The following GSG1L variants were observed in gnomAD, a reference collection of about 807,000 sequenced individuals.
GSG1L encodes GSG1 like.
In GSG1L, 24 loss-of-function variants were observed where a neutral mutation model predicts 42.1. That is an observed-to-expected ratio of 0.57 (90% confidence interval 0.41 to 0.80). The LOEUF (loss-of-function observed/expected upper bound fraction) is 0.80. GSG1L is among the 30% of genes least tolerant of loss of function. The pLI is 0.00. For synonymous variants in GSG1L, 215 were observed against 203.5 expected (o/e 1.06, Z -0.48); for missense variants, 445 against 472.2 (o/e 0.94, Z 0.53).
chr16:27,955,765 CA>C (rs1343952781), intron 2 of GSG1L, among the ~76,000 whole-genome samples: 1 of 151,830 alleles, frequency 6.6e-6, no homozygotes, highest in Non-Finnish European at 1.5e-5. Flanking sequence ...GCAGTGGAGC[CA>C]ACATGAGAGA....
intron 3 of GSG1L, among the ~76,000 whole-genome samples, chr16:27,881,590 G>A (rs1325556926): frequency 1.3e-5 from 2 of 152,128 alleles, no homozygotes; most frequent in Admixed American, 6.6e-5. Context: ...CAGCTGTGGT[G>A]AGATTTCATG....
intron 2 of GSG1L, among the ~76,000 whole-genome samples, chr16:27,931,019 T>C (rs2084651824): frequency 6.6e-6 from 1 of 152,148 alleles, no homozygotes; most frequent in Non-Finnish European, 1.5e-5. Context: ...CCCAAACTGC[T>C]GGGATTATAG....
intron 5 of GSG1L, among the ~76,000 whole-genome samples, chr16:27,810,890 G>A (rs2083023425): frequency 1.3e-5 from 2 of 152,116 alleles, no homozygotes; most frequent in Admixed American, 6.6e-5. Context: ...GTCTCGCCAT[G>A]TTGCCCAGGC....
intron 4 of GSG1L, among the ~76,000 whole-genome samples, chr16:27,835,640 T>C (rs930945041): frequency 2.6e-5 from 4 of 152,100 alleles, no homozygotes; most frequent in Non-Finnish European, 4.4e-5. Flanking sequence ...TCCATTTTGA[T>C]TTATCTATAG....
rs71140916 is a variant in GSG1L, at chr16:27,874,441, CTTTTTTTTTTTTTTT to C, written c.550+10030_550+10044del. Among the ~76,000 whole-genome samples the C allele has an allele frequency of 1.0e-3, 99 of 94,476 alleles. 2 individuals carry two copies. The highest frequency in any genetic ancestry group is 3.0e-3 in the African/African-American group (82 of 26,990). 62.0% of individuals were successfully genotyped at this position (94,476 alleles called of 152,430 possible). ...TCTGGACACTGAAGCACAGGAGAGCCTTTTTTTTTTTTTTTTTTTTTTTTTTTTTGGACAGGGACT... is the reference window on the plus strand; with the variant it reads ...TCTGGACACTGAAGCACAGGAGAGCCTTTTTTTTTTTTTTGGACAGGGACT... On this transcript the variant is annotated intron_variant, in intron 3 of 6. Coordinates refer to ENST00000447459, the MANE Select transcript of GSG1L (RefSeq NM_001109763.2).
At chr16:27,971,853 G>A (rs1041913370) in intron 1 of GSG1L, among the ~76,000 whole-genome samples, 1 of 152,108 alleles carries the variant, frequency 6.6e-6, no homozygotes, top group Non-Finnish European at 1.5e-5. Context: ...GTTTTATCAT[G>A]AAAGGATATT....
intron 5 of GSG1L, among the ~76,000 whole-genome samples, chr16:27,820,226 G>A (rs536356631): frequency 1.2e-4 from 19 of 152,310 alleles, no homozygotes; most frequent in African/African-American, 3.9e-4. Flanking sequence ...CGGGTGGGGC[G>A]GAGCGGGTTC....
chr16:28,053,668 G>GCTCA (rs1452844469), intron 1 of GSG1L, among the ~76,000 whole-genome samples: 3 of 152,264 alleles, frequency 2.0e-5, no homozygotes, highest in Admixed American at 6.5e-5. Context: ...CCCCTCGCTC[G>GCTCA]CCTCTCTCCT....
chr16:27,818,753 A>T (rs186820836), intron 5 of GSG1L, among the ~76,000 whole-genome samples: 94 of 152,282 alleles, frequency 6.2e-4, no homozygotes, highest in African/African-American at 2.2e-3. Context: ...AAAAAGGGTC[A>T]TTGCAAGTTA....
chr16:27,846,050 G>A lies in GSG1L; in HGVS notation c.551-989C>T, dbSNP rs772961. Among the ~76,000 whole-genome samples, 227 of 151,792 alleles carry A rather than the reference G, an allele frequency of 1.5e-3. 3 individuals are homozygous for A. Among genetic ancestry groups the A allele is most frequent in the African/African-American group, 5.2e-3 (216 of 41,376 alleles). On this transcript the variant is annotated intron_variant, in intron 3 of 6. Transcript: ENST00000447459. ...CCTAAGTAGCTGGGACTACAAGCACGCACCACCACACCTGGCTAATTTTTG... is the reference window on the plus strand; with the variant it reads ...CCTAAGTAGCTGGGACTACAAGCACACACCACCACACCTGGCTAATTTTTG...
At chr16:27,963,741 C>T (rs1039315838) in intron 1 of GSG1L, among the ~76,000 whole-genome samples, 1 of 152,180 alleles carries the variant, frequency 6.6e-6, no homozygotes, top group Admixed American at 6.5e-5. Flanking sequence ...CTGGTACACC[C>T]CTGTGCAGCC....
chr16:27,810,076 T>C (rs776200234), intron 5 of GSG1L, among the ~76,000 whole-genome samples: 21 of 152,232 alleles, frequency 1.4e-4, no homozygotes, highest in Non-Finnish European at 2.4e-4. Context: ...CCTGAGGACC[T>C]TCTCTGTTGG....
intron 2 of GSG1L, among the ~76,000 whole-genome samples, chr16:27,921,028 A>G (rs1488760134): frequency 6.6e-6 from 1 of 152,094 alleles, no homozygotes; most frequent in East Asian, 1.9e-4. Context: ...CCCATTCTAA[A>G]ATTCTATTAC....
At position 27,935,740 on chromosome 16, in the gene GSG1L, C is replaced by T. The variant is rs143734379; in HGVS notation, c.397+27416G>A. ...GCAACCCAGCCCTGCTAAGCCCTCCCGCCTGGCCCCTCCTGCTCCCTGGTC... is the reference window on the plus strand; with the variant it reads ...GCAACCCAGCCCTGCTAAGCCCTCCTGCCTGGCCCCTCCTGCTCCCTGGTC... On this transcript the variant is annotated intron_variant, in intron 2 of 6. Coordinates refer to ENST00000447459, the MANE Select transcript of GSG1L (RefSeq NM_001109763.2). 2.8e-3 allele frequency among the ~76,000 whole-genome samples: 431 copies of T among 151,646 alleles called. 2 individuals are homozygous for T. The highest frequency in any genetic ancestry group is 4.6e-3 in the Non-Finnish European group (314 of 67,906).
At chr16:27,842,734 G>A (rs1255898136) in intron 4 of GSG1L, among the ~76,000 whole-genome samples, 1 of 152,154 alleles carries the variant, frequency 6.6e-6, no homozygotes, top group Admixed American at 6.5e-5. Context: ...TAAAAGGATG[G>A]AATTGAGCAG....
chr16:27,799,435 C>T (rs1393954448), intron 6 of GSG1L, among the ~76,000 whole-genome samples: 1 of 152,302 alleles, frequency 6.6e-6, no homozygotes, highest in South Asian at 2.1e-4. Context: ...ATCTCAGCTA[C>T]TCAGGAGGCT....
chr16:28,023,214 A>T, intron 1 of GSG1L, among the ~76,000 whole-genome samples: 1 of 152,272 alleles, frequency 6.6e-6, no homozygotes, highest in South Asian at 2.1e-4. Flanking sequence ...TTATCATTCT[A>T]TCTTTCTCTC....
chr16:27,827,598 C>G (rs543617867), intron 5 of GSG1L, among the ~76,000 whole-genome samples: 1 of 152,234 alleles, frequency 6.6e-6, no homozygotes, highest in African/African-American at 2.4e-5. Context: ...AAACAATGAA[C>G]TCATCCCCTG....
intron 2 of GSG1L, among the ~76,000 whole-genome samples, chr16:27,961,250 A>G (rs1402677163): frequency 6.6e-6 from 1 of 152,198 alleles, no homozygotes; most frequent in African/African-American, 2.4e-5. Context: ...ACTCATGCAC[A>G]TGCACACTCA....
Sources: gnomAD v4.1 joint callset for allele counts (sites outside exome capture counted in the v4.1 genomes callset) on GRCh38, gnomAD v4.1.1 for gene constraint, MANE v1.5 for transcripts, NCBI Gene and HGNC (gene_info 2026-07-23, HGNC 2026-07-21) for gene names.